MRPS35: variants seen among roughly 807,000 people sequenced by gnomAD.
MRPS35 encodes mitochondrial ribosomal protein S35.
Under a neutral mutation model 32.7 loss-of-function variants are expected in MRPS35, and 29 were observed. The observed-to-expected ratio is 0.89, with a 90% confidence interval of 0.66 to 1.21. The LOEUF (loss-of-function observed/expected upper bound fraction) is 1.21, where lower values mean the gene tolerates loss of function less well. Ranked by LOEUF, MRPS35 falls within the 50% of genes most tolerant of loss-of-function variation. The pLI is 0.00. For missense variants in MRPS35, 373 were observed against 383.8 expected (o/e 0.97, Z 0.23); for synonymous variants, 148 against 139.3 (o/e 1.06, Z -0.44).
intron 3 of MRPS35, 101 bp from the exon 4 acceptor site, chr12:27,719,707 A>G: frequency 2.8e-6 from 2 of 710,452 alleles, no homozygotes; most frequent in South Asian, 3.3e-5. Flanking sequence ...TTTATTTACT[A>G]CATGTTTTAT....
intron 7 of MRPS35, among the ~76,000 whole-genome samples, chr12:27,746,646 G>C (rs950233741): frequency 6.6e-6 from 1 of 152,166 alleles, no homozygotes; most frequent in African/African-American, 2.4e-5. Context: ...TACACAGAAG[G>C]TGACAAGCTC....
At position 27,719,890 on chromosome 12, in the gene MRPS35, T is replaced by A. The variant is rs139780198; in HGVS notation, c.382+22T>A. On this transcript the variant is annotated intron_variant, in intron 4 of 7. Transcript: ENST00000081029. ...AAAGGTAAGTGGTTATTTTCTTATA[T>A]GAATTTTATATTGACTTTGAACATA... 831 of 1,504,216 alleles carry A rather than the reference T, an allele frequency of 5.5e-4. 3 individuals are homozygous for A. In the African/African-American group the frequency reaches 0.01, roughly 19 times the overall value. 93.2% of individuals were successfully genotyped at this position (1,504,216 alleles called of 1,614,324 possible). A position where few individuals can be genotyped will look rare whatever the true frequency, so the allele number is the denominator to read the frequency against.
chr12:27,723,201 T>C (rs2061884101), intron 4 of MRPS35, among the ~76,000 whole-genome samples: 1 of 152,318 alleles, frequency 6.6e-6, no homozygotes, highest in East Asian at 1.9e-4. Flanking sequence ...CCATGCTAAC[T>C]TGATTGAAAC....
At chr12:27,739,837 T>C (rs2061956834) in intron 7 of MRPS35, among the ~76,000 whole-genome samples, 1 of 152,206 alleles carries the variant, frequency 6.6e-6, no homozygotes, top group Admixed American at 6.5e-5. Flanking sequence ...TCAGTGGAAG[T>C]TGATTTATGG....
intron 5 of MRPS35, among the ~76,000 whole-genome samples, chr12:27,725,302 T>C (rs2061895359): frequency 6.6e-6 from 1 of 152,226 alleles, no homozygotes; most frequent in South Asian, 2.1e-4. Context: ...GGGTGTAATG[T>C]TGATCACTTC....
At chr12:27,713,671 A>G (rs138082570) in intron 1 of MRPS35, among the ~76,000 whole-genome samples, 9 of 152,292 alleles carry the variant, frequency 5.9e-5, no homozygotes, top group Admixed American at 3.3e-4. Flanking sequence ...GAGAGCAGGT[A>G]TTCCTCACTC....
intron 5 of MRPS35, among the ~76,000 whole-genome samples, chr12:27,731,783 G>A (rs1016215194): frequency 6.6e-6 from 1 of 152,134 alleles, no homozygotes; most frequent in African/African-American, 2.4e-5. Context: ...TGGCCAGGCT[G>A]GTCTTGAACA....
At chr12:27,730,596 C>G (rs1383802098) in intron 5 of MRPS35, among the ~76,000 whole-genome samples, 1 of 152,134 alleles carries the variant, frequency 6.6e-6, no homozygotes, top group East Asian at 1.9e-4. Context: ...ACTACAAGCG[C>G]AAGCCACCAC....
chr12:27,727,703 C>G (rs1277830483), intron 5 of MRPS35, among the ~76,000 whole-genome samples: 1 of 152,106 alleles, frequency 6.6e-6, no homozygotes, highest in Non-Finnish European at 1.5e-5. Flanking sequence ...AAGATTCACT[C>G]TTGTGTTTCC....
chr12:27,744,097 A>C (rs929304211), intron 7 of MRPS35, among the ~76,000 whole-genome samples: 1 of 152,210 alleles, frequency 6.6e-6, no homozygotes, highest in Non-Finnish European at 1.5e-5. Context: ...TGCTTTGTAT[A>C]GATATTAAGT....
At chr12:27,713,707 C>G (rs912255921) in intron 1 of MRPS35, among the ~76,000 whole-genome samples, 1 of 152,214 alleles carries the variant, frequency 6.6e-6, no homozygotes, top group African/African-American at 2.4e-5. Context: ...ATGCCTGTCT[C>G]TCCTGGAAAC....
chr12:27,721,412 C>A (rs1045657751), intron 4 of MRPS35, among the ~76,000 whole-genome samples: 1 of 152,172 alleles, frequency 6.6e-6, no homozygotes, highest in Non-Finnish European at 1.5e-5. Context: ...AATGCTCGCA[C>A]TTTGGGAGTC....
At position 27,721,543 on chromosome 12, in the gene MRPS35, C is replaced by T. The variant is rs779885859; in HGVS notation, c.382+1675C>T. On this transcript the variant is annotated intron_variant, in intron 4 of 7. Transcript: ENST00000081029. Reference sequence around the variant, plus strand: ...GTGTGGTGGCATGTGCCTGTAGTCCCGGCTACTCGGGGGCCTGAGGCAGGA... The same window carrying T: ...GTGTGGTGGCATGTGCCTGTAGTCCTGGCTACTCGGGGGCCTGAGGCAGGA... Among the ~76,000 whole-genome samples the T allele has an allele frequency of 2.0e-5, 3 of 152,042 alleles. 1 individual carries two copies. Among genetic ancestry groups the T allele is most frequent in the South Asian group, 4.1e-4 (2 of 4,822 alleles).
Position 27,714,792 on chromosome 12 carries a change from C to A in MRPS35, c.125C>A (p.Pro42His). The A allele has an allele frequency of 6.2e-7, 1 of 1,610,252 alleles. No individual in the cohort carries two copies. The change falls in exon 2 of 8, where the codon CCC becomes CAC. Residue 42 changes from proline to histidine, a missense_variant. Pro to His is a moderately conservative substitution (Grantham distance 77, BLOSUM62 -2). Coordinates refer to ENST00000081029, the MANE Select transcript of MRPS35 (RefSeq NM_021821.4). ...CTTTTACGTACAGCGGAAAGAACAC[C>A]CGGAAATGAAAGGCCACCAAGAAGA... ...VPTPSLPERT[P>H]GNERPPRRKA...
chr12:27,732,846 T>C (rs116164160), intron 5 of MRPS35, among the ~76,000 whole-genome samples: 128 of 152,042 alleles, frequency 8.4e-4, no homozygotes, highest in African/African-American at 2.9e-3. Flanking sequence ...AATCTACAAA[T>C]CAAACCAATT....
At chr12:27,743,787 TG>T (rs2140778925) in intron 7 of MRPS35, among the ~76,000 whole-genome samples, 1 of 152,304 alleles carries the variant, frequency 6.6e-6, no homozygotes, top group African/African-American at 2.4e-5. Flanking sequence ...GCTGGGGAGT[TG>T]ATCAGGGCGC....
intron 7 of MRPS35, among the ~76,000 whole-genome samples, chr12:27,753,433 C>A (rs1467118898): frequency 2.0e-5 from 3 of 151,758 alleles, no homozygotes; most frequent in Non-Finnish European, 4.4e-5. Context: ...CCAATGCTTT[C>A]TTTTCTTTTC....
chr12:27,738,901 G>A (rs566881188), intron 7 of MRPS35, among the ~76,000 whole-genome samples: 35 of 151,208 alleles, frequency 2.3e-4, no homozygotes, highest in African/African-American at 8.5e-4. Context: ...ACAGACTTTG[G>A]TTTACTGAGA....
chr12:27,743,927 A>G (rs774546600), intron 7 of MRPS35, among the ~76,000 whole-genome samples: 9 of 152,190 alleles, frequency 5.9e-5, no homozygotes, highest in African/African-American at 9.7e-5. Context: ...AAGGGTTGGG[A>G]TTCCAATATC....
Sources: allele counts gnomAD v4.1 joint callset (sites outside exome capture counted in the v4.1 genomes callset), GRCh38; gene constraint gnomAD v4.1.1; transcripts MANE v1.5; gene names NCBI Gene and HGNC (gene_info 2026-07-23, HGNC 2026-07-21).